The following TMEM209 variants were observed in gnomAD, a reference collection of about 807,000 sequenced individuals.
TMEM209 encodes the protein testicular tissue protein Li 202.
In TMEM209, 65 loss-of-function variants were observed where a neutral mutation model predicts 76.2. The observed-to-expected ratio is 0.85, with a 90% CI of 0.70 to 1.05. The LOEUF (loss-of-function observed/expected upper bound fraction) is 1.05, where lower values mean the gene tolerates loss of function less well. Among genes scored for constraint, TMEM209 ranks in the 50% least tolerant of loss-of-function variants. The pLI is 0.00. For missense variants in TMEM209, 623 were observed against 685.5 expected (o/e 0.91, Z 1.02); for synonymous variants, 239 against 237.6 (o/e 1.01, Z -0.06).
At chr7:130,171,158 C>T (rs976733415) in intron 13 of TMEM209, among the ~76,000 whole-genome samples, 22 of 152,070 alleles carry the variant, frequency 1.4e-4, no homozygotes, top group Non-Finnish European at 2.8e-4. Flanking sequence ...CTGTACACTA[C>T]ACATATAAAA....
At chr7:130,167,898 T>C (rs1796931521) in intron 14 of TMEM209, among the ~76,000 whole-genome samples, 1 of 152,198 alleles carries the variant, frequency 6.6e-6, no homozygotes, top group South Asian at 2.1e-4. Flanking sequence ...AAAATATTCA[T>C]GTTCGAAAGG....
chr7:130,184,323 C>A, intron 7 of TMEM209, 68 bp from the exon 8 acceptor site: 1 of 1,140,114 alleles, frequency 8.8e-7, no homozygotes, highest in Non-Finnish European at 1.2e-6. Flanking sequence ...ATCATTCTTT[C>A]TCCCATCCTA....
chr7:130,203,010 A>C (rs11766500), intron 3 of TMEM209, among the ~76,000 whole-genome samples: 38,913 of 151,386 alleles, frequency 0.26, 5,284 homozygotes, highest in East Asian at 0.39. Flanking sequence ...AATTGCTTGA[A>C]CCTGGGAGGT....
chr7:130,186,035 G>A (rs1797586580), intron 6 of TMEM209, among the ~76,000 whole-genome samples: 1 of 152,124 alleles, frequency 6.6e-6, no homozygotes, highest in Non-Finnish European at 1.5e-5. Context: ...AATAGAATTT[G>A]AGCTCCTTGA....
intron 5 of TMEM209, among the ~76,000 whole-genome samples, chr7:130,198,989 T>C (rs1160117201): frequency 1.3e-5 from 2 of 152,206 alleles, no homozygotes; most frequent in Non-Finnish European, 2.9e-5. Context: ...AGTCTTCCAA[T>C]ACAATTGTGT....
At chr7:130,191,967 A>G (rs1344567045) in intron 6 of TMEM209, among the ~76,000 whole-genome samples, 1 of 152,234 alleles carries the variant, frequency 6.6e-6, no homozygotes, top group African/African-American at 2.4e-5. Flanking sequence ...AGCGACACAA[A>G]GAGTCATGGT....
rs1233649260 is a variant in TMEM209, at chr7:130,184,174, C to T, written c.1023+10G>A. The T allele has an allele frequency of 1.9e-6, 3 of 1,585,626 alleles. No individual in the cohort carries two copies. In the African/African-American group the frequency reaches 4.0e-5, roughly 21 times the overall value. Reference sequence around the variant, plus strand: ...ACTAATATTGTCCAAAGAGTAATGTCAGAACTTACATTTCTAAATTTAGCT... The same window carrying T: ...ACTAATATTGTCCAAAGAGTAATGTTAGAACTTACATTTCTAAATTTAGCT... On this transcript the variant is annotated intron_variant, in intron 8 of 14. Coordinates refer to ENST00000397622, the MANE Select transcript of TMEM209 (RefSeq NM_032842.4).
chr7:130,204,506 T>C (rs1366201827), intron 1 of TMEM209, among the ~76,000 whole-genome samples: 4 of 152,158 alleles, frequency 2.6e-5, no homozygotes, highest in Admixed American at 6.5e-5. Context: ...CGCGTCCGAC[T>C]GATTTTTGTA....
intron 3 of TMEM209, among the ~76,000 whole-genome samples, chr7:130,202,906 T>C (rs745573265): frequency 2.6e-5 from 4 of 151,600 alleles, no homozygotes; most frequent in East Asian, 3.9e-4. Flanking sequence ...CTGGCCAACA[T>C]AGTGAAACCC....
At chr7:130,179,949 G>A (rs1797356471) in intron 9 of TMEM209, among the ~76,000 whole-genome samples, 1 of 152,156 alleles carries the variant, frequency 6.6e-6, no homozygotes, top group Non-Finnish European at 1.5e-5. Flanking sequence ...TTGGGCAAAA[G>A]AGCGAGACTC....
intron 6 of TMEM209, 100 bp downstream of exon 6, chr7:130,192,522 T>G (rs943245174): frequency 2.0e-6 from 2 of 1,012,440 alleles, no homozygotes; most frequent in Non-Finnish European, 3.0e-6. Flanking sequence ...CATGCTAAGC[T>G]AATAAAGTAT....
chr7:130,197,271 T>C (rs1208796476), intron 5 of TMEM209, among the ~76,000 whole-genome samples: 2 of 152,148 alleles, frequency 1.3e-5, no homozygotes, highest in Non-Finnish European at 2.9e-5. Context: ...GGTGTATACA[T>C]ACAATGGAAT....
At chr7:130,202,414 C>A in intron 4 of TMEM209, 118 bp downstream of exon 4, 2 of 1,360,154 alleles carry the variant, frequency 1.5e-6, no homozygotes, top group East Asian at 2.3e-5. Flanking sequence ...TTTATTGTAT[C>A]CTGCTTAAGA....
At chr7:130,204,823 C>A in intron 1 of TMEM209, 1 of 597,460 alleles carries the variant, frequency 1.7e-6, no homozygotes, top group Non-Finnish European at 2.1e-6. Context: ...TCCATATCTG[C>A]TGTAAGTCAT....
chr7:130,170,291 T>C, intron 14 of TMEM209, 109 bp downstream of exon 14: 2 of 890,338 alleles, frequency 2.2e-6, no homozygotes, highest in Non-Finnish European at 3.5e-6. Context: ...CCATTATCTA[T>C]TGTTCAATCC....
At chr7:130,202,114 A>G (rs1411220384) in intron 4 of TMEM209, 23 bp from the exon 5 acceptor site, 9 of 1,599,060 alleles carry the variant, frequency 5.6e-6, no homozygotes, top group Middle Eastern at 1.7e-4. Flanking sequence ...AAAAAGCAAC[A>G]TATGTGTATG....
intron 1 of TMEM209, chr7:130,204,990 TAAGAG>T: frequency 8.7e-7 from 1 of 1,148,616 alleles, no homozygotes; most frequent in South Asian, 2.4e-5. Flanking sequence ...GTGAGCGGAG[TAAGAG>T]GGAGAGAGGG....
At chr7:130,197,378 C>T (rs1322131672) in intron 5 of TMEM209, among the ~76,000 whole-genome samples, 2 of 152,162 alleles carry the variant, frequency 1.3e-5, no homozygotes, top group Non-Finnish European at 2.9e-5. Flanking sequence ...AGTTAAAGGA[C>T]AAATACTGTA....
intron 13 of TMEM209, among the ~76,000 whole-genome samples, chr7:130,172,998 CAAAAAAAAA>C (rs67876495): frequency 2.0e-4 from 17 of 86,688 alleles, no homozygotes; most frequent in African/African-American, 7.5e-4. Flanking sequence ...GACTCTATCT[CAAAAAAAAA>C]AAAAAAAAAA....
Sources: allele counts gnomAD v4.1 joint callset (sites outside exome capture counted in the v4.1 genomes callset), GRCh38; gene constraint gnomAD v4.1.1; transcripts MANE v1.5; gene names NCBI Gene and HGNC (gene_info 2026-07-23, HGNC 2026-07-21).